The following CATSPERE variants were observed in gnomAD, a reference collection of about 807,000 sequenced individuals.
The protein encoded by CATSPERE is cation channel sperm-associated auxiliary subunit epsilon.
A neutral mutation model predicts 114.1 loss-of-function variants in CATSPERE; 93 were observed. That is an observed-to-expected ratio of 0.81 (90% CI 0.69 to 0.97). The LOEUF is 0.97. CATSPERE is among the 50% of genes least tolerant of loss of function. The pLI is 0.00. For missense variants in CATSPERE, 1,058 were observed against 1,131.6 expected (o/e 0.93, Z 0.93); for synonymous variants, 341 against 384.1 (o/e 0.89, Z 1.31).
intron 20 of CATSPERE, among the ~76,000 whole-genome samples, chr1:244,625,422 A>T (rs373232685): frequency 2.2e-3 from 9 of 4,040 alleles, no homozygotes; most frequent in African/African-American, 4.4e-3. Context: ...ATATATATAT[A>T]TATATATATA....
rs751148084 is a variant in CATSPERE, at chr1:244,552,325, C to A, written c.540C>A (p.Thr180=). 14 of 1,602,112 alleles carry A rather than the reference C, an allele frequency of 8.7e-6. No individual in the cohort carries two copies. The highest frequency in any genetic ancestry group is 1.2e-5 in the Non-Finnish European group (14 of 1,174,290). Residue 180 remains threonine, a synonymous_variant, in exon 9 of 22, where the codon ACC becomes ACA. Coordinates refer to ENST00000366534, the MANE Select transcript of CATSPERE (RefSeq NM_001130957.2). ...YSSNEKMRRG[T]WRIVVPMTKD... ...TCTCTTTTCTTTCTCTTCTTAGGAC[C>A]TGGCGTATTGTAGTACCAATGACAA...
Position 244,552,339 on chromosome 1 carries a change from T to C in CATSPERE, c.554T>C (p.Val185Ala), listed in dbSNP as rs1254470373. ...KMRRGTWRIV[V>A]PMTKDDALKE... Reference sequence around the variant, plus strand: ...CTTCTTAGGACCTGGCGTATTGTAGTACCAATGACAAAAGATGATGCACTA... The same window carrying C: ...CTTCTTAGGACCTGGCGTATTGTAGCACCAATGACAAAAGATGATGCACTA... Residue 185 changes from valine (V) to alanine (A), a missense_variant, in exon 9 of 22, where the codon GTA becomes GCA. Physicochemically the swap from Val to Ala is moderately conservative, Grantham distance 64. Coordinates refer to ENST00000366534, the MANE Select transcript of CATSPERE (RefSeq NM_001130957.2). 9 of 1,610,824 alleles carry C rather than the reference T, an allele frequency of 5.6e-6. No homozygotes were observed. The East Asian group carries it at 1.8e-4, about 32-fold the overall frequency.
intron 7 of CATSPERE, among the ~76,000 whole-genome samples, chr1:244,513,453 G>A (rs1676086244): frequency 6.6e-6 from 1 of 152,168 alleles, no homozygotes; most frequent in Non-Finnish European, 1.5e-5. Context: ...AGTGTCAGTA[G>A]GAGCAGGTGG....
chr1:244,533,846 T>G (rs568210280), intron 8 of CATSPERE, among the ~76,000 whole-genome samples: 47 of 151,794 alleles, frequency 3.1e-4, no homozygotes, highest in South Asian at 1.0e-3. Flanking sequence ...GTACTTAAAA[T>G]CAGCAGTGAG....
At chr1:244,508,458 G>A (rs1321805104) in intron 7 of CATSPERE, among the ~76,000 whole-genome samples, 1 of 151,296 alleles carries the variant, frequency 6.6e-6, no homozygotes, top group Non-Finnish European at 1.5e-5. Flanking sequence ...CCGCCACCAC[G>A]CCCAGCTAAT....
At chr1:244,610,160 G>A (rs779279804) in intron 18 of CATSPERE, 80 bp from the exon 19 acceptor site, 26 of 885,172 alleles carry the variant, frequency 2.9e-5, no homozygotes, top group Non-Finnish European at 4.3e-5. Context: ...ATTTTCAATA[G>A]CAACAAAACA....
upstream of CATSPERE, among the ~76,000 whole-genome samples, chr1:244,460,873 G>C (rs1207787067): frequency 1.3e-5 from 2 of 152,206 alleles, no homozygotes; most frequent in African/African-American, 4.8e-5. Flanking sequence ...GAGCCAGATC[G>C]CGCCACTGCA....
Position 244,605,699 on chromosome 1 carries a change from G to T in CATSPERE, c.2308G>T (p.Asp770Tyr). 4 of 1,601,832 alleles carry T rather than the reference G, an allele frequency of 2.5e-6. No individual in the cohort carries two copies. The highest frequency in any genetic ancestry group is 1.1e-5 in the South Asian group (1 of 90,524). Residue 770 changes from aspartate to tyrosine, a missense_variant, in exon 18 of 22, where the codon GAT becomes TAT. This residue lies in a region of CATSPERE where 787 missense variants were observed against 905.6 expected (regional missense o/e 0.87). Coordinates refer to ENST00000366534, the MANE Select transcript of CATSPERE (RefSeq NM_001130957.2). ...EKFQPVVQLF[D>Y]DNGYVKDVEA... ...TCTGTTTGTTGTTTCTTTCAGATTT[G>T]ATGATAATGGCTATGTTAAAGACGT...
At position 244,552,572 on chromosome 1, in the gene CATSPERE, A is replaced by G. The variant is rs773687728; in HGVS notation, c.787A>G (p.Thr263Ala). ...GACAGATATGGAGACCTTTCACACA[A>G]CTGATTCATTCAAATCTTGGACCAG... is the stretch of plus-strand genomic sequence containing the variant. Reference protein sequence around the residue: ...LVTDMETFHTTDSFKSWTRIR... With the variant: ...LVTDMETFHTADSFKSWTRIR... The change falls in exon 9 of 22, where the codon ACT becomes GCT. Residue 263 changes from threonine (T) to alanine (A), a missense_variant. Physicochemically the swap from Thr to Ala is moderately conservative, Grantham distance 58 (BLOSUM62 0). Coordinates refer to ENST00000366534, the MANE Select transcript of CATSPERE (RefSeq NM_001130957.2). The G allele has an allele frequency of 3.7e-6, 6 of 1,614,140 alleles. No individual in the cohort carries two copies. The highest frequency in any genetic ancestry group is 5.1e-6 in the Non-Finnish European group (6 of 1,180,022).
intron 14 of CATSPERE, 113 bp from the exon 15 acceptor site, chr1:244,591,568 A>G (rs1212265053): frequency 3.3e-6 from 2 of 602,918 alleles, no homozygotes; most frequent in South Asian, 2.2e-5. Context: ...AATTCAGTAA[A>G]TGATGATTCT....
intron 20 of CATSPERE, among the ~76,000 whole-genome samples, chr1:244,631,066 C>T (rs1434951253): frequency 1.3e-5 from 2 of 152,100 alleles, no homozygotes. Flanking sequence ...TCATATTGCT[C>T]TCTAGAACTT....
At chr1:244,581,503 G>T (rs1275345138) in intron 11 of CATSPERE, among the ~76,000 whole-genome samples, 2 of 152,204 alleles carry the variant, frequency 1.3e-5, no homozygotes, top group Non-Finnish European at 2.9e-5. Context: ...TTTTATTATG[G>T]AAAATGTCAA....
chr1:244,605,058 C>T (rs1329919600), intron 17 of CATSPERE, among the ~76,000 whole-genome samples: 1 of 152,192 alleles, frequency 6.6e-6, no homozygotes, highest in Non-Finnish European at 1.5e-5. Flanking sequence ...GTCTGCTTCT[C>T]AGCCTCACCT....
chr1:244,451,944 C>T, upstream of CATSPERE: 1 of 999,614 alleles, frequency 1.0e-6, no homozygotes. This position sits in a 1 kb window ranked among gnomAD's most constrained non-coding sequence, Gnocchi z 6.6. Flanking sequence ...CGCCCCCGCC[C>T]CGCCGGGCCG....
intron 8 of CATSPERE, among the ~76,000 whole-genome samples, chr1:244,525,791 G>A (rs369865899): frequency 3.3e-5 from 5 of 152,330 alleles, no homozygotes; most frequent in Admixed American, 6.5e-5. Flanking sequence ...CACTCATGGA[G>A]AAATGTATAA....
In CATSPERE at chr1:244,467,396, A is replaced by T. The variant is rs143905801; in HGVS notation, c.114+3440A>T. Among the ~76,000 whole-genome samples, 83 of 152,328 alleles carry T rather than the reference A, an allele frequency of 5.4e-4. 1 individual carries two copies. In the Middle Eastern group the frequency reaches 0.017, roughly 31 times the overall value. ...CTTATGAAAAATTAGTGAAGTGTGAATTAAAATTACAGGGAGATGTAATTA... is the reference window on the plus strand; with the variant it reads ...CTTATGAAAAATTAGTGAAGTGTGATTTAAAATTACAGGGAGATGTAATTA... On this transcript the variant is annotated intron_variant, in intron 2 of 21. Transcript: ENST00000366534.
chr1:244,505,965 C>T (rs898393980), intron 7 of CATSPERE, among the ~76,000 whole-genome samples: 1 of 152,080 alleles, frequency 6.6e-6, no homozygotes, highest in Non-Finnish European at 1.5e-5. Context: ...GAGATCACGC[C>T]GCTGCACTCC....
intron 8 of CATSPERE, among the ~76,000 whole-genome samples, chr1:244,550,637 C>T (rs1047870887): frequency 2.6e-5 from 4 of 152,204 alleles, no homozygotes; most frequent in East Asian, 3.9e-4. Flanking sequence ...AATGTTAGAG[C>T]CAGGTGATGT....
At chr1:244,582,939 AT>A (rs1666423976) in intron 12 of CATSPERE, among the ~76,000 whole-genome samples, 109 of 2,082 alleles carry the variant, frequency 0.052, 9 homozygotes, top group African/African-American at 0.1. Context: ...ATATATATAT[AT>A]ATATATATAT....
Sources: gnomAD v4.1 joint callset for allele counts (sites outside exome capture counted in the v4.1 genomes callset) on GRCh38, gnomAD v4.1.1 for gene constraint, gnomAD v4.1.1 regional missense constraint, Gnocchi (gnomAD v3.1) non-coding constraint, MANE v1.5 for transcripts, NCBI Gene and HGNC (gene_info 2026-07-23, HGNC 2026-07-21) for gene names.